The following FAM98B variants were observed in gnomAD, a reference collection of about 807,000 sequenced individuals.
FAM98B encodes tRNA-splicing ligase complex subunit FAM98B.
FAM98B carries 32 observed loss-of-function variants against 43.9 expected under a neutral mutation model. That is an observed-to-expected ratio of 0.73 (90% CI 0.55 to 0.98). The LOEUF (loss-of-function observed/expected upper bound fraction) is 0.98, where lower values mean the gene tolerates loss of function less well. Ranked by LOEUF, FAM98B falls within the 50% of genes least tolerant of loss-of-function variation. The pLI is 0.00. For missense variants in FAM98B, 514 were observed against 522.9 expected (o/e 0.98, Z 0.17); for synonymous variants, 190 against 174.0 (o/e 1.09, Z -0.72).
intron 1 of FAM98B, among the ~76,000 whole-genome samples, chr15:38,462,656 A>G (rs1385625255): frequency 6.6e-6 from 1 of 152,186 alleles, no homozygotes; most frequent in Non-Finnish European, 1.5e-5. Context: ...AATGTTATTA[A>G]AACAAGAATT....
chr15:38,468,220 C>T (rs189802756), intron 3 of FAM98B, among the ~76,000 whole-genome samples: 52 of 152,252 alleles, frequency 3.4e-4, no homozygotes, highest in Middle Eastern at 3.4e-3. Flanking sequence ...AACTGGCAAT[C>T]TGTTTTAATC....
intron 1 of FAM98B, among the ~76,000 whole-genome samples, chr15:38,462,910 A>G (rs1052878954): frequency 8.5e-5 from 13 of 152,182 alleles, no homozygotes; most frequent in African/African-American, 3.1e-4. Context: ...AAAGCAAGGA[A>G]AGTATTCAGA....
intron 4 of FAM98B, among the ~76,000 whole-genome samples, chr15:38,471,686 A>T (rs959631434): frequency 6.6e-6 from 1 of 152,052 alleles, no homozygotes; most frequent in African/African-American, 2.4e-5. Context: ...AAAAGTAAAC[A>T]TTTTCATGTT....
At chr15:38,470,869 T>G (rs1469456045) in intron 4 of FAM98B, among the ~76,000 whole-genome samples, 1 of 152,046 alleles carries the variant, frequency 6.6e-6, no homozygotes, top group Non-Finnish European at 1.5e-5. Flanking sequence ...CATTATATAA[T>G]GAATGGAAGA....
intron 6 of FAM98B, among the ~76,000 whole-genome samples, chr15:38,477,700 A>G (rs1367293753): frequency 1.3e-5 from 2 of 152,216 alleles, no homozygotes; most frequent in Non-Finnish European, 2.9e-5. Context: ...CCGTATGATT[A>G]GGTATAGAAG....
chr15:38,477,688 C>G (rs1302809995), intron 6 of FAM98B, among the ~76,000 whole-genome samples: 1 of 152,148 alleles, frequency 6.6e-6, no homozygotes, highest in African/African-American at 2.4e-5. Context: ...TATCTCAGTA[C>G]TCCGTATGAT....
At chr15:38,459,214 A>G (rs1031888164) in intron 1 of FAM98B, 16 of 446,650 alleles carry the variant, frequency 3.6e-5, no homozygotes, top group Non-Finnish European at 7.1e-5. Context: ...AAGATGCACA[A>G]GGGCTTCATC....
At chr15:38,459,200 C>A in intron 1 of FAM98B, 2 of 428,182 alleles carry the variant, frequency 4.7e-6, no homozygotes, top group South Asian at 1.9e-5. Context: ...TGTTGCTGGG[C>A]TTAAAGATGC....
At chr15:38,475,839 A>C (rs1890191308) in intron 6 of FAM98B, among the ~76,000 whole-genome samples, 1 of 151,992 alleles carries the variant, frequency 6.6e-6, no homozygotes, top group Non-Finnish European at 1.5e-5. Flanking sequence ...TTTTTCTTGC[A>C]TTGTATTTCT....
chr15:38,470,311 T>G lies in FAM98B; in HGVS notation c.437T>G (p.Val146Gly), dbSNP rs1221968937. 3.7e-6 allele frequency: 6 copies of G among 1,604,788 alleles called. No homozygotes were observed. The highest frequency in any genetic ancestry group is 5.1e-6 in the Non-Finnish European group (6 of 1,176,472). Reference protein sequence around the residue: ...KNSQLDKNSEVYQEVQAMFDT... With the variant: ...KNSQLDKNSEGYQEVQAMFDT... ...TCTCAATTAGATAAAAATAGTGAAG[T>G]TTATCAGGAAGTTCAAGCTATGTTT... Residue 146 changes from valine (V) to glycine (G), a missense_variant, in exon 4 of 8, where the codon GTT (valine) becomes GGT (glycine). By Grantham distance (109) the Val-to-Gly change is moderately radical. This residue lies in a region of FAM98B where 469 missense variants were observed against 451.8 expected (regional missense o/e 1.04). Transcript: ENST00000397609.
In FAM98B at chr15:38,464,188, T is replaced by C. The variant is rs200505395; in HGVS notation, c.217+11T>C. 1 of 1,603,946 alleles carries C rather than the reference T, an allele frequency of 6.2e-7. No individual in the cohort carries two copies. Among genetic ancestry groups the C allele is most frequent in the East Asian group, 2.2e-5 (1 of 44,728 alleles). On this transcript the variant is annotated intron_variant, in intron 2 of 7. Coordinates refer to ENST00000397609, the MANE Select transcript of FAM98B (RefSeq NM_173611.4). ...GTATCACGTCTGCTGGTATTGCCAT[T>C]ATGTTGTATTTACTTTTCTGTTTAA...
chr15:38,481,536 T>C, intron 7 of FAM98B, 77 bp downstream of exon 7: 5 of 1,614,020 alleles, frequency 3.1e-6, no homozygotes, highest in Non-Finnish European at 4.2e-6. Context: ...TTAGTCTATT[T>C]TTCTTTCATG....
rs559415632 is a variant in FAM98B, at chr15:38,464,098, T to G, written c.138T>G (p.Pro46=). ...TKAAEGGLSS[P]EFSELCIWLG... is the part of the protein sequence containing the mutation. ...CGGCAGAGGGTGGATTATCTTCACCTGAATTTTCAGAGCTCTGTATTTGGT... is the reference window on the plus strand; with the variant it reads ...CGGCAGAGGGTGGATTATCTTCACCGGAATTTTCAGAGCTCTGTATTTGGT... The change falls in exon 2 of 8, where the codon CCT becomes CCG. Residue 46 remains proline (P), a synonymous_variant. Coordinates refer to ENST00000397609, the MANE Select transcript of FAM98B (RefSeq NM_173611.4). 5 of 1,613,652 alleles carry G rather than the reference T, an allele frequency of 3.1e-6. No individual in the cohort carries two copies. In the South Asian group the frequency reaches 3.3e-5, roughly 11 times the overall value.
Position 38,484,274 on chromosome 15 carries a change from CT to C in FAM98B, c.918del (p.Asp307ThrfsTer133). ...AINKVLMGRV[P>X]DRGGRPNEIE... Reference sequence around the variant, plus strand: ...ACACAGGTGCTGATGGGAAGGGTGCCTGACAGGGGAGGCCGGCCGAATGAAA... The same window carrying C: ...ACACAGGTGCTGATGGGAAGGGTGCCGACAGGGGAGGCCGGCCGAATGAAA... On this transcript the variant is annotated frameshift_variant, in exon 8 of 8. Coordinates refer to ENST00000397609, the MANE Select transcript of FAM98B (RefSeq NM_173611.4). LOFTEE classifies it low-confidence loss of function (END_TRUNC). The C allele has an allele frequency of 6.5e-7, 1 of 1,549,660 alleles. No individual in the cohort carries two copies. The highest frequency in any genetic ancestry group is 8.7e-7 in the Non-Finnish European group (1 of 1,146,986).
intron 1 of FAM98B, among the ~76,000 whole-genome samples, chr15:38,463,120 A>C (rs1889975293): frequency 6.6e-6 from 1 of 152,272 alleles, no homozygotes; most frequent in Admixed American, 6.5e-5. Flanking sequence ...CATCTAATTC[A>C]GTTAAGATAG....
intron 7 of FAM98B, chr15:38,483,535 G>C (rs1238760385): frequency 3.3e-5 from 5 of 151,424 alleles, no homozygotes; most frequent in Non-Finnish European, 7.4e-5. Context: ...GCGTGGTGGC[G>C]GGTGCCTGTA....
At chr15:38,461,207 A>G (rs1043998148) in intron 1 of FAM98B, among the ~76,000 whole-genome samples, 2 of 152,224 alleles carry the variant, frequency 1.3e-5, no homozygotes, top group Admixed American at 6.5e-5. Context: ...TATTGCAGAA[A>G]TGAAAGCAAA....
At chr15:38,474,479 CTTAAT>C (rs1250023463) in intron 6 of FAM98B, among the ~76,000 whole-genome samples, 181 bp downstream of exon 6, 1 of 152,158 alleles carries the variant, frequency 6.6e-6, no homozygotes, top group Non-Finnish European at 1.5e-5. Context: ...TTGCATATAA[CTTAAT>C]TTCTCCCCAC....
intron 3 of FAM98B, among the ~76,000 whole-genome samples, chr15:38,467,969 A>G (rs1014843003): frequency 1.4e-4 from 22 of 152,334 alleles, no homozygotes; most frequent in African/African-American, 4.6e-4. Flanking sequence ...TCTTGAATAC[A>G]TACACACACA....
Sources: gnomAD v4.1 joint callset for allele counts (sites outside exome capture counted in the v4.1 genomes callset) on GRCh38, gnomAD v4.1.1 for gene constraint, gnomAD v4.1.1 regional missense constraint, MANE v1.5 for transcripts, NCBI Gene and HGNC (gene_info 2026-07-23, HGNC 2026-07-21) for gene names.